WDR72: variants seen among roughly 807,000 people sequenced by gnomAD.
WDR72 encodes the protein WD repeat-containing protein 72.
In WDR72, 120 loss-of-function variants were observed where a neutral mutation model predicts 124.2. The ratio of observed to expected loss-of-function variants is 0.97; its 90% CI spans 0.83 to 1.12. The LOEUF is 1.12. WDR72 is among the 50% of genes most tolerant of loss of function. WDR72 has a pLI of 0.00. For synonymous variants in WDR72, 452 were observed against 441.7 expected, an observed-to-expected ratio of 1.02 and a Z score of -0.29; for missense variants, 1,387 against 1,278.8, an observed-to-expected ratio of 1.08 and a Z score of -1.29.
intron 1 of WDR72, among the ~76,000 whole-genome samples, chr15:53,737,825 C>G (rs988321823): frequency 2.6e-5 from 4 of 152,048 alleles, no homozygotes; most frequent in African/African-American, 9.7e-5. Context: ...TATATAGATT[C>G]CTGCATCTAG....
intron 2 of WDR72, among the ~76,000 whole-genome samples, chr15:53,724,890 T>C (rs1048792926): frequency 6.6e-6 from 1 of 152,138 alleles, no homozygotes; most frequent in South Asian, 2.1e-4. Context: ...ATCAGACCAG[T>C]TACCATGGAG....
At chr15:53,656,425 T>C (rs1595824048) in intron 14 of WDR72, among the ~76,000 whole-genome samples, 1 of 152,160 alleles carries the variant, frequency 6.6e-6, no homozygotes, top group East Asian at 1.9e-4. Context: ...TCTTAATACA[T>C]TTTGTTTTTA....
intron 18 of WDR72, among the ~76,000 whole-genome samples, chr15:53,563,673 T>A (rs977876920): frequency 6.6e-6 from 1 of 151,766 alleles, no homozygotes. Flanking sequence ...ACACAATTTT[T>A]AAGATTTTTT....
Position 53,746,683 on chromosome 15 carries a change from A to AT in WDR72, c.-13+12949dup, listed in dbSNP as rs545473995. On this transcript the variant is annotated intron_variant, in intron 1 of 19. Coordinates refer to ENST00000360509, the MANE Select transcript of WDR72 (RefSeq NM_182758.4). ...AGGGGCAAAGATGAATTACTTAAAG[A>AT]TTTTTTTTTTCCAGAAAACATACCT... Among the ~76,000 whole-genome samples, 358 of 150,602 alleles carry AT rather than the reference A, an allele frequency of 2.4e-3. 6 individuals are homozygous for AT. The highest frequency in any genetic ancestry group is 7.7e-3 in the African/African-American group (318 of 41,042).
At position 53,699,931 on chromosome 15, in the gene WDR72, C is replaced by T. The variant is rs1341389685; in HGVS notation, c.1584G>A (p.Gln528=). 6.2e-7 allele frequency: 1 copy of T among 1,614,110 alleles called. No homozygotes were observed. The highest frequency in any genetic ancestry group is 8.5e-7 in the Non-Finnish European group (1 of 1,180,056). ...GGTCACCGCACACACAGCAAATTATCTGCTCACCCCTTAGCTGTGAAAAAA... is the reference window on the plus strand; with the variant it reads ...GGTCACCGCACACACAGCAAATTATTTGCTCACCCCTTAGCTGTGAAAAAA... The part of the protein sequence containing the change: ...SPEKFKLRGE[Q]IICCVCGDHS... The change falls in exon 13 of 20, where the codon CAG becomes CAA. Residue 528 remains glutamine, a synonymous_variant. Transcript: ENST00000360509.
intron 18 of WDR72, among the ~76,000 whole-genome samples, chr15:53,525,027 A>G (rs887222198): frequency 2.0e-4 from 30 of 152,060 alleles, no homozygotes; most frequent in African/African-American, 7.0e-4. Context: ...CCAAGGATGC[A>G]TGTTTGCAAA....
chr15:53,650,360 C>T lies in WDR72; in HGVS notation c.1962+15212G>A, dbSNP rs141409367. ...AGAGATCTGCTGTACAACACTGTAC[C>T]TAGAGTCAGCAATAACGTACTATAC... On this transcript the variant is annotated intron_variant, in intron 14 of 19. Coordinates refer to ENST00000360509, the MANE Select transcript of WDR72 (RefSeq NM_182758.4). Among the ~76,000 whole-genome samples, 3 of 152,072 alleles carry T rather than the reference C, an allele frequency of 2.0e-5. No homozygotes were observed. In the South Asian group the frequency reaches 6.2e-4, roughly 32 times the overall value.
chr15:53,665,818 C>A (rs2015759957), intron 13 of WDR72, 50 bp from the exon 14 acceptor site: 1 of 1,528,944 alleles, frequency 6.5e-7, no homozygotes. Context: ...TTTACCCCAA[C>A]AGAATAAGAC....
intron 10 of WDR72, among the ~76,000 whole-genome samples, chr15:53,705,586 C>T (rs1045140546): frequency 1.3e-5 from 2 of 152,134 alleles, no homozygotes; most frequent in Non-Finnish European, 2.9e-5. Flanking sequence ...CCTCAGCCTC[C>T]TGAGTAGCTG....
At chr15:53,518,276 C>A (rs767072560) in intron 19 of WDR72, among the ~76,000 whole-genome samples, 22 of 152,130 alleles carry the variant, frequency 1.4e-4, no homozygotes, top group Non-Finnish European at 3.1e-4. Context: ...CATTTAAAAT[C>A]AAATTGACTA....
intron 2 of WDR72, among the ~76,000 whole-genome samples, chr15:53,728,131 G>C (rs2018096253): frequency 1.3e-5 from 2 of 152,216 alleles, no homozygotes; most frequent in Non-Finnish European, 2.9e-5. Context: ...TGGACTTACA[G>C]TTCCACATGG....
At chr15:53,762,380 C>T (rs571178867), upstream of WDR72, among the ~76,000 whole-genome samples, 6 of 152,310 alleles carry the variant, frequency 3.9e-5, no homozygotes, top group South Asian at 1.2e-3. Flanking sequence ...CTTCCTCTGT[C>T]ATTACACTTG....
chr15:53,665,301 C>T (rs867516225), intron 14 of WDR72, among the ~76,000 whole-genome samples: 2 of 151,934 alleles, frequency 1.3e-5, no homozygotes, highest in Non-Finnish European at 2.9e-5. Flanking sequence ...GTTTTCCCTT[C>T]CTTATGTTAA....
chr15:53,714,361 G>T (rs527789958), intron 6 of WDR72, 73 bp downstream of exon 6: 12 of 1,190,866 alleles, frequency 1.0e-5, no homozygotes, highest in South Asian at 1.0e-4. Context: ...ACATGTAATA[G>T]CCTTAAAATT....
intron 12 of WDR72, among the ~76,000 whole-genome samples, chr15:53,701,446 C>T (rs1307005071): frequency 1.3e-5 from 2 of 151,830 alleles, no homozygotes; most frequent in Admixed American, 1.3e-4. Context: ...GAGGCTGAGG[C>T]AGGAGGATCC....
At chr15:53,529,106 T>A (rs562285228) in intron 18 of WDR72, among the ~76,000 whole-genome samples, 1 of 148,802 alleles carries the variant, frequency 6.7e-6, no homozygotes, top group Admixed American at 6.7e-5. Flanking sequence ...CTGTCTGACT[T>A]ATTTTTGGAT....
At chr15:53,664,390 G>A (rs931970672) in intron 14 of WDR72, among the ~76,000 whole-genome samples, 2 of 152,122 alleles carry the variant, frequency 1.3e-5, no homozygotes, top group African/African-American at 2.4e-5. Context: ...ACTCACGTGT[G>A]AAATCTAAAT....
At position 53,706,017 on chromosome 15, in the gene WDR72, T is replaced by G; in HGVS notation, c.1012A>C (p.Lys338Gln). 1 of 1,614,056 alleles carries G rather than the reference T, an allele frequency of 6.2e-7. No homozygotes were observed. The change falls in exon 10 of 20, where the codon AAG becomes CAG. Residue 338 changes from lysine to glutamine, a missense_variant. Coordinates refer to ENST00000360509, the MANE Select transcript of WDR72 (RefSeq NM_182758.4). The stretch of plus-strand genomic sequence containing the variant: ...GAGACTTCTCCAGAGAAAAGTACCT[T>G]GTAAAAAGGCTCTTTCCTTTCATTC... ...YMNERKEPFY[K>Q]VLFSGEVSGR...
At chr15:53,588,081 C>T (rs958751836) in intron 18 of WDR72, among the ~76,000 whole-genome samples, 1 of 152,014 alleles carries the variant, frequency 6.6e-6, no homozygotes. Context: ...AGAAAACCAT[C>T]ATCCTTATAA....
Sources: allele counts gnomAD v4.1 joint callset (sites outside exome capture counted in the v4.1 genomes callset), GRCh38; gene constraint gnomAD v4.1.1; transcripts MANE v1.5; gene names NCBI Gene and HGNC (gene_info 2026-07-23, HGNC 2026-07-21).